Variants in SAMD5 observed in about 807,000 individuals in gnomAD.
SAMD5 encodes the protein sterile alpha motif domain-containing protein 5.
Under a neutral mutation model 11.3 loss-of-function variants are expected in SAMD5, and 13 were observed. The ratio of observed to expected loss-of-function variants is 1.15; its 90% CI spans 0.75 to 1.83. The LOEUF is 1.83. Among genes scored for constraint, SAMD5 ranks in the 40% most tolerant of loss-of-function variants. The pLI, the probability that SAMD5 is intolerant of heterozygous loss-of-function variation, is 0.00. For synonymous variants in SAMD5, 129 were observed against 111.3 expected (o/e 1.16, Z -1.00); for missense variants, 255 against 239.1 (o/e 1.07, Z -0.44).
the SAMD5 span, among the ~76,000 whole-genome samples, chr6:147,806,163 C>T: frequency 6.6e-6 from 1 of 152,148 alleles, no homozygotes; most frequent in Non-Finnish European, 1.5e-5. Flanking sequence ...TGGTATCTTC[C>T]AGGGCTACTC....
the SAMD5 span, among the ~76,000 whole-genome samples, chr6:147,866,010 T>A: frequency 6.6e-6 from 1 of 152,360 alleles, no homozygotes. Context: ...TTGAAACCTT[T>A]ATGTTTTTAA....
At chr6:147,810,193 C>T in the SAMD5 span, among the ~76,000 whole-genome samples, 11 of 152,224 alleles carry the variant, frequency 7.2e-5, no homozygotes, top group East Asian at 1.9e-4. Flanking sequence ...GTTATAATCA[C>T]GTAACACATT....
chr6:147,712,319 A>G (rs1385739419), intron 1 of SAMD5, among the ~76,000 whole-genome samples: 1 of 152,168 alleles, frequency 6.6e-6, no homozygotes, highest in Non-Finnish European at 1.5e-5. Flanking sequence ...AAAAACAACA[A>G]TTTATTTTTT....
the SAMD5 span, among the ~76,000 whole-genome samples, chr6:147,785,942 T>C: frequency 6.6e-6 from 1 of 152,194 alleles, no homozygotes; most frequent in Non-Finnish European, 1.5e-5. Flanking sequence ...ATAATTGTAG[T>C]CCATGCTACA....
At chr6:147,887,598 T>C in the SAMD5 span, among the ~76,000 whole-genome samples, 1 of 152,238 alleles carries the variant, frequency 6.6e-6, no homozygotes, top group Admixed American at 6.5e-5. Flanking sequence ...TTTGGGTTGA[T>C]TCCAGTTTTT....
intron 1 of SAMD5, among the ~76,000 whole-genome samples, chr6:147,658,390 C>A (rs1790599665): frequency 6.6e-6 from 1 of 151,966 alleles, no homozygotes; most frequent in African/African-American, 2.4e-5. Flanking sequence ...CCCTTTGAAT[C>A]TTTTCCCACA....
chr6:147,914,637 T>C, the SAMD5 span, among the ~76,000 whole-genome samples: 2 of 152,064 alleles, frequency 1.3e-5, no homozygotes, highest in South Asian at 2.1e-4. Flanking sequence ...TTGCTAAATG[T>C]AGGGGAAAAT....
intron 1 of SAMD5, chr6:147,729,663 G>C (rs773260028): frequency 2.5e-6 from 1 of 403,044 alleles, no homozygotes; most frequent in Admixed American, 2.8e-5. Flanking sequence ...GCCAAGGGAG[G>C]ACTCAAAGAG....
downstream of SAMD5, among the ~76,000 whole-genome samples, chr6:147,740,761 T>C (rs142209968): frequency 2.0e-5 from 3 of 152,306 alleles, no homozygotes; most frequent in African/African-American, 7.2e-5. Context: ...TAGAAATATA[T>C]AAATAAGTAA....
At chr6:147,512,573 A>C (rs1413373929) in intron 1 of SAMD5, among the ~76,000 whole-genome samples, 3 of 152,202 alleles carry the variant, frequency 2.0e-5, no homozygotes, top group Non-Finnish European at 4.4e-5. Context: ...TTTGTTTTCC[A>C]AAGGGAACTC....
chr6:147,654,898 G>A (rs1422667822), intron 1 of SAMD5, among the ~76,000 whole-genome samples: 1 of 152,040 alleles, frequency 6.6e-6, no homozygotes, highest in Non-Finnish European at 1.5e-5. Context: ...GAAGCATCTG[G>A]GTCAGCCTGG....
the SAMD5 span, among the ~76,000 whole-genome samples, chr6:147,816,549 GTTATCT>G: frequency 6.6e-6 from 1 of 151,684 alleles, no homozygotes; most frequent in Non-Finnish European, 1.5e-5. Flanking sequence ...AGATAGGCCA[GTTATCT>G]TAGTGATGGT....
chr6:147,939,868 C>T, the SAMD5 span, among the ~76,000 whole-genome samples: 11 of 151,824 alleles, frequency 7.2e-5, no homozygotes, highest in South Asian at 1.5e-3. Flanking sequence ...CTATTATTAC[C>T]GAAAGTATCT....
At chr6:147,787,989 G>T in the SAMD5 span, among the ~76,000 whole-genome samples, 1 of 152,186 alleles carries the variant, frequency 6.6e-6, no homozygotes, top group Non-Finnish European at 1.5e-5. Flanking sequence ...AGTATTCGGT[G>T]AATGGTTAAT....
At chr6:147,671,277 A>G (rs567206408) in intron 1 of SAMD5, among the ~76,000 whole-genome samples, 3 of 152,348 alleles carry the variant, frequency 2.0e-5, no homozygotes, top group South Asian at 4.1e-4. Context: ...AGTTTGAAAC[A>G]TTACCAAAAT....
the SAMD5 span, among the ~76,000 whole-genome samples, chr6:147,804,340 G>A: frequency 2.5e-3 from 380 of 152,098 alleles, 15 homozygotes; most frequent in East Asian, 0.057. Flanking sequence ...TCGATCTCCT[G>A]ACCTTGTGAT....
chr6:147,705,065 C>A (rs1260681321), intron 1 of SAMD5, among the ~76,000 whole-genome samples: 1 of 152,120 alleles, frequency 6.6e-6, no homozygotes, highest in Non-Finnish European at 1.5e-5. Context: ...TAGAATTCTC[C>A]CCACTAGACC....
chr6:147,640,777 G>A, intron 1 of SAMD5, among the ~76,000 whole-genome samples: 1 of 152,122 alleles, frequency 6.6e-6, no homozygotes, highest in Non-Finnish European at 1.5e-5. Context: ...ACCTAGAAAA[G>A]TTGCCAAGCC....
the SAMD5 span, among the ~76,000 whole-genome samples, chr6:147,863,391 A>G: frequency 6.6e-6 from 1 of 152,188 alleles, no homozygotes. Context: ...CCTGATTTGT[A>G]AGATAAGACA....
Sources: allele counts gnomAD v4.1 joint callset (sites outside exome capture counted in the v4.1 genomes callset), GRCh38; gene constraint gnomAD v4.1.1; transcripts MANE v1.5; gene names NCBI Gene and HGNC (gene_info 2026-07-23, HGNC 2026-07-21).